ABAT: variants seen among roughly 807,000 people sequenced by gnomAD.
ABAT encodes the protein 4-aminobutyrate aminotransferase, mitochondrial.
Under a neutral mutation model 64.6 loss-of-function variants are expected in ABAT, and 45 were observed. The observed-to-expected ratio is 0.70, with a 90% CI of 0.55 to 0.89. The LOEUF is 0.89. Among genes scored for constraint, ABAT ranks in the 40% least tolerant of loss-of-function variants. The pLI is 0.00. For missense variants in ABAT, 633 were observed against 658.4 expected (o/e 0.96, Z 0.42); for synonymous variants, 297 against 250.5 (o/e 1.19, Z -1.75).
At chr16:8,744,217 G>A (rs1432142719) in intron 2 of ABAT, among the ~76,000 whole-genome samples, 1 of 152,146 alleles carries the variant, frequency 6.6e-6, no homozygotes, top group Non-Finnish European at 1.5e-5. Context: ...TTGGCTCATG[G>A]TTCTGCAGGC....
At chr16:8,724,076 G>C (rs978184313) in intron 1 of ABAT, among the ~76,000 whole-genome samples, 1 of 151,510 alleles carries the variant, frequency 6.6e-6, no homozygotes, top group Non-Finnish European at 1.5e-5. Flanking sequence ...CCTGACCTCA[G>C]GTGATCCATC....
chr16:8,706,404 C>CA (rs56329419), intron 1 of ABAT, among the ~76,000 whole-genome samples: 39,585 of 94,826 alleles, frequency 0.42, 8,242 homozygotes, highest in Admixed American at 0.49. Flanking sequence ...GACCCTGTTT[C>CA]AAAAAAAAAA....
At chr16:8,685,000 CAAG>C (rs1261450018) in intron 1 of ABAT, among the ~76,000 whole-genome samples, 1 of 152,032 alleles carries the variant, frequency 6.6e-6, no homozygotes, top group African/African-American at 2.4e-5. Context: ...AAATAATGAA[CAAG>C]GCCAGGCATG....
At chr16:8,690,523 T>A (rs2057555234) in intron 1 of ABAT, among the ~76,000 whole-genome samples, 1 of 152,238 alleles carries the variant, frequency 6.6e-6, no homozygotes, top group African/African-American at 2.4e-5. Flanking sequence ...GAGTGAGTCA[T>A]ACTCATCAGG....
chr16:8,724,991 A>T (rs1344242884), intron 1 of ABAT, among the ~76,000 whole-genome samples: 5 of 149,012 alleles, frequency 3.4e-5, no homozygotes, highest in Non-Finnish European at 7.4e-5. Flanking sequence ...ATCTCGGCTC[A>T]CCGCAACCTC....
intron 1 of ABAT, among the ~76,000 whole-genome samples, chr16:8,725,916 C>G (rs1567287707): frequency 6.6e-6 from 1 of 152,226 alleles, no homozygotes; most frequent in African/African-American, 2.4e-5. Flanking sequence ...CCCTCCAACA[C>G]ACCTGCCTCG....
chr16:8,738,603 T>A (rs2059056156), intron 2 of ABAT: 1 of 345,784 alleles, frequency 2.9e-6, no homozygotes. Flanking sequence ...TTTTCTTTTT[T>A]GTTTTTGTTT....
chr16:8,776,842 G>A lies in ABAT; in HGVS notation c.1269+352G>A, dbSNP rs989269888. Among the ~76,000 whole-genome samples, 1 of 152,002 alleles carries A rather than the reference G, an allele frequency of 6.6e-6. No homozygotes were observed. Among genetic ancestry groups the A allele is most frequent in the Non-Finnish European group, 1.5e-5 (1 of 68,018 alleles). On this transcript the variant is annotated intron_variant, in intron 14 of 15. Coordinates refer to ENST00000268251, the MANE Select transcript of ABAT (RefSeq NM_020686.6). This position sits in a 1 kb window ranked among gnomAD's most constrained non-coding sequence, Gnocchi z 4.4. ...GATCCTTCCACCTCAGCCTCCCAAA[G>A]TGCTGGGCAGCGCCTGCCGGCACTG...
chr16:8,746,452 C>G (rs62031066), intron 3 of ABAT, among the ~76,000 whole-genome samples: 92,882 of 151,204 alleles, frequency 0.61, 31,026 homozygotes, highest in East Asian at 0.77. Flanking sequence ...ACTCGGGAGG[C>G]TGAGGCAAGG....
chr16:8,767,508 T>A (rs1193859679), intron 9 of ABAT, among the ~76,000 whole-genome samples: 1 of 152,108 alleles, frequency 6.6e-6, no homozygotes, highest in African/African-American at 2.4e-5. Context: ...TTGAAGAGCC[T>A]GTAGAAAAGG....
intron 1 of ABAT, among the ~76,000 whole-genome samples, chr16:8,684,158 T>C (rs1446815471): frequency 1.3e-5 from 2 of 152,080 alleles, no homozygotes; most frequent in African/African-American, 4.8e-5. Context: ...CTGGGGATTC[T>C]AGGGAAGAAA....
At chr16:8,741,875 A>G (rs2059170670) in intron 2 of ABAT, among the ~76,000 whole-genome samples, 1 of 152,212 alleles carries the variant, frequency 6.6e-6, no homozygotes, top group African/African-American at 2.4e-5. Flanking sequence ...CCTCAACTGT[A>G]AACTGTGAAC....
At chr16:8,674,988 C>G (rs1468939241) in intron 1 of ABAT, among the ~76,000 whole-genome samples, 1 of 152,126 alleles carries the variant, frequency 6.6e-6, no homozygotes, top group African/African-American at 2.4e-5. Flanking sequence ...TAGAATGCGG[C>G]CCCAAAAAGT....
rs1186825114 is a variant in ABAT, at chr16:8,724,661, G to C, written c.-41-11038G>C. On this transcript the variant is annotated intron_variant, in intron 1 of 15. Transcript: ENST00000268251. ...TGAGATGGGAGGATCACTTGAGCCT[G>C]GGAGCCAGAGGTTGCTGAGATGGCA... Among the ~76,000 whole-genome samples, 4 of 142,346 alleles carry C rather than the reference G, an allele frequency of 2.8e-5. No homozygotes were observed. The East Asian group carries it at 9.6e-4, about 34-fold the overall frequency. The allele number at this position is 142,346 out of a possible 152,430, so 93.4% of individuals were successfully genotyped here. A position where few individuals can be genotyped will look rare whatever the true frequency, so the allele number is the denominator to read the frequency against.
chr16:8,722,803 C>G (rs2058410457), intron 1 of ABAT: 1 of 1,288,890 alleles, frequency 7.8e-7, no homozygotes, highest in African/African-American at 1.5e-5. Flanking sequence ...TGCAAAGGGC[C>G]TGGTAGAATC....
intron 5 of ABAT, among the ~76,000 whole-genome samples, chr16:8,756,286 G>A (rs1412333429): frequency 1.3e-5 from 2 of 152,176 alleles, no homozygotes; most frequent in Non-Finnish European, 2.9e-5. Flanking sequence ...CGATAGAATG[G>A]TTAAGAATGT....
At chr16:8,691,112 A>G (rs2057569844) in intron 1 of ABAT, among the ~76,000 whole-genome samples, 1 of 152,096 alleles carries the variant, frequency 6.6e-6, no homozygotes, top group East Asian at 1.9e-4. Flanking sequence ...GTCAAACCAC[A>G]CTTGCCCATA....
chr16:8,777,667 G>A (rs1242212026), intron 14 of ABAT, among the ~76,000 whole-genome samples: 1 of 152,222 alleles, frequency 6.6e-6, no homozygotes, highest in Non-Finnish European at 1.5e-5. Flanking sequence ...CACACTCTGT[G>A]GGAGAGGGAG....
At position 8,716,629 on chromosome 16, in the gene ABAT, A is replaced by C. The variant is rs370267581; in HGVS notation, c.-41-19070A>C. ...AACCATTTTCTCACAAGGGGCCTCG[A>C]ATATTTATTTTATGCACTGGGTCCC... On this transcript the variant is annotated intron_variant, in intron 1 of 15. Coordinates refer to ENST00000268251, the MANE Select transcript of ABAT (RefSeq NM_020686.6). Among the ~76,000 whole-genome samples, 14 of 152,270 alleles carry C rather than the reference A, an allele frequency of 9.2e-5. No individual in the cohort carries two copies. The East Asian group carries it at 2.5e-3, about 27-fold the overall frequency.
Sources: gnomAD v4.1 joint callset for allele counts (sites outside exome capture counted in the v4.1 genomes callset) on GRCh38, gnomAD v4.1.1 for gene constraint, Gnocchi (gnomAD v3.1) non-coding constraint, MANE v1.5 for transcripts, NCBI Gene and HGNC (gene_info 2026-07-23, HGNC 2026-07-21) for gene names.